The following DKK2 variants were observed in gnomAD, a reference collection of about 807,000 sequenced individuals.
DKK2 encodes the protein dickkopf-related protein 2.
Under a neutral mutation model 28.1 loss-of-function variants are expected in DKK2, and 11 were observed. The ratio of observed to expected loss-of-function variants is 0.39; its 90% CI spans 0.25 to 0.65. The LOEUF (loss-of-function observed/expected upper bound fraction) is 0.65. Among genes scored for constraint, DKK2 ranks in the 30% least tolerant of loss-of-function variants. DKK2 has a pLI of 0.47. For missense variants in DKK2, 326 were observed against 335.5 expected (o/e 0.97, Z 0.22); for synonymous variants, 135 against 126.5 (o/e 1.07, Z -0.45).
chr4:107,027,469 A>AC (rs933331616), intron 1 of DKK2, among the ~76,000 whole-genome samples: 15 of 151,888 alleles, frequency 9.9e-5, no homozygotes, highest in Non-Finnish European at 1.9e-4. Flanking sequence ...TGAAAAAAAA[A>AC]AAAAGAAAGA....
At chr4:106,940,492 C>T (rs1250859837) in intron 1 of DKK2, among the ~76,000 whole-genome samples, 1 of 150,782 alleles carries the variant, frequency 6.6e-6, no homozygotes, top group Non-Finnish European at 1.5e-5. Flanking sequence ...GAAATAGGAA[C>T]ACTTTTACAC....
chr4:106,963,129 C>T (rs1230372470), intron 1 of DKK2, among the ~76,000 whole-genome samples: 1 of 151,462 alleles, frequency 6.6e-6, no homozygotes, highest in African/African-American at 2.4e-5. Context: ...CTGAGGCGGG[C>T]GGATCACTAG....
intron 1 of DKK2, among the ~76,000 whole-genome samples, chr4:106,969,475 T>A (rs1313133670): frequency 6.6e-6 from 1 of 151,680 alleles, no homozygotes; most frequent in Non-Finnish European, 1.5e-5. Flanking sequence ...GAAAAAAAAA[T>A]TTACTCTGAA....
In DKK2 at chr4:107,029,270, G is replaced by C. The variant is rs963865048; in HGVS notation, c.222+6100C>G. On this transcript the variant is annotated intron_variant, in intron 1 of 3. Coordinates refer to ENST00000285311, the MANE Select transcript of DKK2 (RefSeq NM_014421.3). ...ACAGCATATTGTAGCAGCATAAGCA[G>C]GTGGTTTGATATATGGGTTCTAATA... Among the ~76,000 whole-genome samples the C allele has an allele frequency of 2.6e-5, 4 of 152,130 alleles. No homozygotes were observed. In the South Asian group the frequency reaches 8.3e-4, roughly 32 times the overall value.
chr4:106,969,361 G>A (rs1440153814), intron 1 of DKK2, among the ~76,000 whole-genome samples: 1 of 150,968 alleles, frequency 6.6e-6, no homozygotes, highest in African/African-American at 2.4e-5. Context: ...TATTTTTCTG[G>A]GATTCTCTCT....
chr4:107,011,476 T>A (rs974360061), intron 1 of DKK2, among the ~76,000 whole-genome samples: 6 of 151,672 alleles, frequency 4.0e-5, no homozygotes, highest in African/African-American at 1.4e-4. Context: ...GTCATTCTTT[T>A]TAGGTGAAAA....
chr4:107,028,882 G>A (rs1011699115), intron 1 of DKK2, among the ~76,000 whole-genome samples: 2 of 152,200 alleles, frequency 1.3e-5, no homozygotes, highest in African/African-American at 4.8e-5. Context: ...GAAAGATGAG[G>A]ACAGGGGAGT....
chr4:107,011,469 A>T (rs1400042015), intron 1 of DKK2, among the ~76,000 whole-genome samples: 1 of 151,644 alleles, frequency 6.6e-6, no homozygotes, highest in Non-Finnish European at 1.5e-5. Context: ...TTTGTCAGTC[A>T]TTCTTTTTAG....
chr4:107,019,197 C>A (rs1043818874), intron 1 of DKK2, among the ~76,000 whole-genome samples: 3 of 151,772 alleles, frequency 2.0e-5, no homozygotes, highest in Non-Finnish European at 2.9e-5. Context: ...GGGAAAAAAC[C>A]AATCTCATTC....
chr4:106,943,233 G>A (rs1402524740), intron 1 of DKK2, among the ~76,000 whole-genome samples: 1 of 152,078 alleles, frequency 6.6e-6, no homozygotes, highest in East Asian at 1.9e-4. Context: ...GCACCATGAT[G>A]TAGATTATGC....
chr4:107,031,791 C>A (rs1011398210), intron 1 of DKK2, among the ~76,000 whole-genome samples: 2 of 151,938 alleles, frequency 1.3e-5, no homozygotes, highest in Non-Finnish European at 2.9e-5. Context: ...GTTTTTCATT[C>A]ACACAGAAAA....
rs918180848 is a variant in DKK2, at chr4:107,025,942, C to T, written c.222+9428G>A. On this transcript the variant is annotated intron_variant, in intron 1 of 3. Transcript: ENST00000285311. ...ATTCAAGATTTAACAGAAAGCATTG[C>T]TTCTGATTATTTGAAATGTTTATAT... 8.5e-5 allele frequency among the ~76,000 whole-genome samples: 13 copies of T among 152,172 alleles called. No homozygotes were observed. In the South Asian group the frequency reaches 1.2e-3, roughly 15 times the overall value.
At chr4:107,034,887 G>A (rs1464282592) in intron 1 of DKK2, among the ~76,000 whole-genome samples, 3 of 152,178 alleles carry the variant, frequency 2.0e-5, no homozygotes, top group African/African-American at 7.2e-5. Flanking sequence ...TGGGCAAATC[G>A]TTAATCAATC....
intron 1 of DKK2, among the ~76,000 whole-genome samples, chr4:107,014,079 G>T (rs1560592034): frequency 6.6e-6 from 1 of 151,492 alleles, no homozygotes; most frequent in Non-Finnish European, 1.5e-5. Flanking sequence ...ACAGTATGGA[G>T]TTCCCTCAGA....
chr4:107,024,503 T>C lies in DKK2; in HGVS notation c.222+10867A>G, dbSNP rs142277849. On this transcript the variant is annotated intron_variant, in intron 1 of 3. Coordinates refer to ENST00000285311, the MANE Select transcript of DKK2 (RefSeq NM_014421.3). ...CTTCTATTTTCAATCTCTCCACCGA[T>C]ATTTTTAAAAAGTAATCCATCAAAA... 4.4e-3 allele frequency among the ~76,000 whole-genome samples: 669 copies of C among 152,300 alleles called. 3 individuals carry two copies. The highest frequency in any genetic ancestry group is 0.016 in the African/African-American group (645 of 41,570).
chr4:106,929,047 A>G (rs972977042), intron 1 of DKK2, among the ~76,000 whole-genome samples: 3 of 152,184 alleles, frequency 2.0e-5, no homozygotes, highest in African/African-American at 7.2e-5. Context: ...AAACTCTCAC[A>G]TAGATAATCT....
chr4:106,967,599 G>A (rs144310001), intron 1 of DKK2, among the ~76,000 whole-genome samples: 164 of 152,228 alleles, frequency 1.1e-3, no homozygotes, highest in African/African-American at 3.8e-3. Flanking sequence ...TTTTAGGAGG[G>A]TGATGACATG....
At chr4:106,988,514 C>G (rs1450630007) in intron 1 of DKK2, among the ~76,000 whole-genome samples, 1 of 152,134 alleles carries the variant, frequency 6.6e-6, no homozygotes, top group Admixed American at 6.5e-5. Flanking sequence ...CCTGGAAGTT[C>G]CTGTTACTCT....
Position 106,967,958 on chromosome 4 carries a change from G to C in DKK2, c.223-42009C>G, listed in dbSNP as rs373985689. Among the ~76,000 whole-genome samples, 396 of 72,200 alleles carry C rather than the reference G, an allele frequency of 5.5e-3. 4 individuals are homozygous for C. Among genetic ancestry groups the C allele is most frequent in the African/African-American group, 0.023 (373 of 16,288 alleles). The allele number at this position is 72,200 out of a possible 152,430, so 47.4% of individuals were successfully genotyped here. A position where few individuals can be genotyped will look rare whatever the true frequency, so the allele number is the denominator to read the frequency against. ...GGAAGGAAGAAAGAGAGAAAACAAA[G>C]AAAGAAAGGAATGAAGAGAAAAGTA... On this transcript the variant is annotated intron_variant, in intron 1 of 3. Coordinates refer to ENST00000285311, the MANE Select transcript of DKK2 (RefSeq NM_014421.3).
Sources: allele counts gnomAD v4.1 joint callset (sites outside exome capture counted in the v4.1 genomes callset), GRCh38; gene constraint gnomAD v4.1.1; transcripts MANE v1.5; gene names NCBI Gene and HGNC (gene_info 2026-07-23, HGNC 2026-07-21).